Variants in CD47 observed in about 807,000 individuals in gnomAD.
CD47 encodes leukocyte surface antigen CD47.
In CD47, 11 loss-of-function variants were observed where a neutral mutation model predicts 44.6. The ratio of observed to expected loss-of-function variants is 0.25; its 90% CI spans 0.16 to 0.41. The LOEUF (loss-of-function observed/expected upper bound fraction) is 0.41. Among genes scored for constraint, CD47 ranks in the 10% least tolerant of loss-of-function variants. The pLI is 1.00. For missense variants in CD47, 306 were observed against 386.7 expected (o/e 0.79, Z 1.75); for synonymous variants, 140 against 136.3 (o/e 1.03, Z -0.19).
chr3:108,061,200 G>C (rs985867961), intron 3 of CD47, among the ~76,000 whole-genome samples: 1 of 149,782 alleles, frequency 6.7e-6, no homozygotes, highest in Non-Finnish European at 1.5e-5. Context: ...AGAATGTTGA[G>C]GAGCATCCCT....
At chr3:108,073,872 C>T (rs768920959) in intron 2 of CD47, among the ~76,000 whole-genome samples, 1 of 152,138 alleles carries the variant, frequency 6.6e-6, no homozygotes, top group Non-Finnish European at 1.5e-5. Context: ...GTCCTGAGCT[C>T]AGTTTTACTC....
intron 4 of CD47, among the ~76,000 whole-genome samples, chr3:108,060,370 G>A (rs1329178556): frequency 1.3e-5 from 2 of 152,200 alleles, no homozygotes; most frequent in Non-Finnish European, 2.9e-5. Context: ...TAAGAGAGAG[G>A]CTGAGGGAGA....
Position 108,071,191 on chromosome 3 carries a change from G to A in CD47, c.401-9C>T. ...TGGAGAAAACCATGAAACTGGGGAA[G>A]AAGAAAACAAAAGTCACAATTAATA... On this transcript the variant is annotated splice_polypyrimidine_tract_variant and intron_variant, in intron 2 of 10. Coordinates refer to ENST00000361309, the MANE Select transcript of CD47 (RefSeq NM_001777.4). 2 of 1,286,724 alleles carry A rather than the reference G, an allele frequency of 1.6e-6. No homozygotes were observed. Among genetic ancestry groups the A allele is most frequent in the Non-Finnish European group, 2.2e-6 (2 of 916,134 alleles). 79.7% of individuals were successfully genotyped at this position (1,286,724 alleles called of 1,614,324 possible). A position where few individuals can be genotyped will look rare whatever the true frequency, so the allele number is the denominator to read the frequency against.
chr3:108,075,489 C>G (rs558340721), intron 2 of CD47, among the ~76,000 whole-genome samples: 1 of 152,216 alleles, frequency 6.6e-6, no homozygotes, highest in East Asian at 1.9e-4. Flanking sequence ...ATTTACAATC[C>G]TAAAATGCAA....
intron 7 of CD47, chr3:108,053,453 G>A (rs547839091): frequency 6.6e-6 from 1 of 152,468 alleles, no homozygotes; most frequent in South Asian, 2.1e-4. Context: ...GTCCAAAGCT[G>A]TAGGTAAGAA....
intron 2 of CD47, among the ~76,000 whole-genome samples, chr3:108,074,526 C>T (rs1290252509): frequency 6.6e-6 from 1 of 151,972 alleles, no homozygotes; most frequent in Non-Finnish European, 1.5e-5. Flanking sequence ...GTTGGCCAGG[C>T]TGGTCTCAAA....
chr3:108,049,094 ATCTCTCTCTCTCTCTCTCTCTCTCTC>A lies in CD47; in HGVS notation c.967+499_967+524del, dbSNP rs55708779. Among the ~76,000 whole-genome samples the A allele has an allele frequency of 2.3e-4, 30 of 129,366 alleles. 1 individual carries two copies. The highest frequency in any genetic ancestry group is 9.2e-4 in the East Asian group (4 of 4,342). The allele number at this position is 129,366 out of a possible 152,430, so 84.9% of individuals were successfully genotyped here. ...TGGAAGCAAAAGCTGAGGACGAAAC[ATCTCTCTCTCTCTCTCTCTCTCTCTC>A]TCTCTCTCTCTCTCTCTCTCTCTCA... On this transcript the variant is annotated intron_variant, in intron 10 of 10. Transcript: ENST00000361309.
In CD47 at chr3:108,074,218, A is replaced by G. The variant is rs983839631; in HGVS notation, c.401-3036T>C. ...AGATGATGAGATAGACTAGATGACT[A>G]CTTGATGACTCCCAGATTCTATGTG... On this transcript the variant is annotated intron_variant, in intron 2 of 10. Coordinates refer to ENST00000361309, the MANE Select transcript of CD47 (RefSeq NM_001777.4). Among the ~76,000 whole-genome samples the G allele has an allele frequency of 6.6e-5, 10 of 152,328 alleles. No individual in the cohort carries two copies. In the East Asian group the frequency reaches 1.9e-3, roughly 29 times the overall value.
chr3:108,049,797 C>T (rs2078793841), intron 9 of CD47, 146 bp from the exon 10 acceptor site: 1 of 661,184 alleles, frequency 1.5e-6, no homozygotes, highest in Non-Finnish European at 2.7e-6. Flanking sequence ...CATTATGTAG[C>T]CTTTCTGTGG....
At chr3:108,051,917 C>T in intron 8 of CD47, 22 bp downstream of exon 8, 1 of 1,497,120 alleles carries the variant, frequency 6.7e-7, no homozygotes, top group Non-Finnish European at 9.3e-7. Context: ...ATTCACAATT[C>T]ATTTAATAAA....
intron 3 of CD47, among the ~76,000 whole-genome samples, chr3:108,066,955 T>A (rs753944796): frequency 6.6e-6 from 1 of 152,204 alleles, no homozygotes; most frequent in Non-Finnish European, 1.5e-5. Context: ...AATTCTTTCA[T>A]GACATTGAGA....
intron 9 of CD47, 99 bp downstream of exon 9, chr3:108,050,479 C>G (rs1474191588): frequency 8.9e-6 from 6 of 674,790 alleles, no homozygotes; most frequent in Middle Eastern, 2.6e-4. Flanking sequence ...GGAAAAAAAC[C>G]TAGATTCTTC....
Position 108,084,277 on chromosome 3 carries a change from T to C in CD47, c.47-3933A>G, listed in dbSNP as rs1315206403. ...CTTGTGAAAAATCAAATATGCATGG[T>C]TCACTTTCTGTCTTGACTTTTCCAC... is the stretch of plus-strand genomic sequence containing the variant. On this transcript the variant is annotated intron_variant, in intron 1 of 10. Transcript: ENST00000361309. Among the ~76,000 whole-genome samples the C allele has an allele frequency of 2.0e-5, 3 of 152,016 alleles. No homozygotes were observed. The East Asian group carries it at 5.8e-4, about 29-fold the overall frequency.
chr3:108,053,487 A>C (rs1205557266), intron 7 of CD47: 1 of 152,358 alleles, frequency 6.6e-6, no homozygotes, highest in Non-Finnish European at 1.5e-5. Flanking sequence ...GAAGGCATGA[A>C]TAGGATAAAA....
At chr3:108,059,341 T>C (rs1410224830) in intron 5 of CD47, 111 bp downstream of exon 5, 14 of 484,132 alleles carry the variant, frequency 2.9e-5, no homozygotes, top group Non-Finnish European at 4.1e-5. Flanking sequence ...AATCTTTTAA[T>C]AAACCTACTC....
rs570098188 is a variant in CD47, at chr3:108,088,630, A to T, written c.46+2233T>A. 7.9e-5 allele frequency among the ~76,000 whole-genome samples: 12 copies of T among 152,336 alleles called. No individual in the cohort carries two copies. In the East Asian group the frequency reaches 2.3e-3, roughly 29 times the overall value. On this transcript the variant is annotated intron_variant, in intron 1 of 10. Coordinates refer to ENST00000361309, the MANE Select transcript of CD47 (RefSeq NM_001777.4). ...ATCATATGTACCCTGATTTAAAAAA[A>T]AAAACAACTCATTTTGAACAAAGAG...
rs181042981 is a variant in CD47 at position 108,068,633 on chromosome 3, G to A, written c.490+2460C>T. Among the ~76,000 whole-genome samples the A allele has an allele frequency of 5.1e-4, 78 of 152,200 alleles. No individual in the cohort carries two copies. In the East Asian group the frequency reaches 0.01, roughly 20 times the overall value. The stretch of plus-strand genomic sequence containing the variant: ...TATCAGGAAACGGCTGGGTGATTGC[G>A]GGCAAATTGCCTAATCTATCTGTGC... On this transcript the variant is annotated intron_variant, in intron 3 of 10. Transcript: ENST00000361309.
chr3:108,060,860 A>G lies in CD47; in HGVS notation c.491-8T>C. ...CGGATCTATATTTAAGTGCTTAAAA[A>G]AGAAAAACAAAGAATTATATGAACT... On this transcript the variant is annotated splice_polypyrimidine_tract_variant and splice_region_variant and intron_variant, in intron 3 of 10. Transcript: ENST00000361309. 8 of 1,547,370 alleles carry G rather than the reference A, an allele frequency of 5.2e-6. No individual in the cohort carries two copies. Among genetic ancestry groups the G allele is most frequent in the Non-Finnish European group, 7.1e-6 (8 of 1,121,234 alleles).
At chr3:108,068,350 G>A (rs2079139480) in intron 3 of CD47, among the ~76,000 whole-genome samples, 1 of 152,096 alleles carries the variant, frequency 6.6e-6, no homozygotes, top group Non-Finnish European at 1.5e-5. Context: ...TACAAAACCA[G>A]GGCAATATGC....
Sources: gnomAD v4.1 joint callset for allele counts (sites outside exome capture counted in the v4.1 genomes callset) on GRCh38, gnomAD v4.1.1 for gene constraint, MANE v1.5 for transcripts, NCBI Gene and HGNC (gene_info 2026-07-23, HGNC 2026-07-21) for gene names.